Variants in ITLN1 observed in about 807,000 individuals in gnomAD.
The protein encoded by ITLN1 is intelectin-1.
A neutral mutation model predicts 36.2 loss-of-function variants in ITLN1; 29 were observed. The observed-to-expected ratio is 0.80, with a 90% confidence interval of 0.60 to 1.09. ITLN1 has a LOEUF of 1.09. Ranked by LOEUF, ITLN1 falls within the 50% of genes least tolerant of loss-of-function variation. The pLI, the probability that ITLN1 is intolerant of heterozygous loss-of-function variation, is 0.00. For missense variants in ITLN1, 358 were observed against 405.2 expected (o/e 0.88, Z 1.00); for synonymous variants, 143 against 146.5 (o/e 0.98, Z 0.17).
intron 7 of ITLN1, among the ~76,000 whole-genome samples, chr1:160,877,426 T>A (rs1015145051): frequency 1.3e-5 from 2 of 152,164 alleles, no homozygotes; most frequent in African/African-American, 4.8e-5. Context: ...CACTGTGGCC[T>A]CAATTACTAA....
intron 2 of ITLN1, among the ~76,000 whole-genome samples, chr1:160,883,991 T>A (rs531658659): frequency 6.6e-6 from 1 of 152,294 alleles, no homozygotes; most frequent in Admixed American, 6.5e-5. Flanking sequence ...AGCGGGGCAG[T>A]TGCCTGGGAG....
chr1:160,884,978 C>T (rs1670735865), intron 1 of ITLN1, 83 bp downstream of exon 1: 2 of 755,056 alleles, frequency 2.6e-6, no homozygotes, highest in Non-Finnish European at 4.6e-6. Flanking sequence ...CTCCAAAACC[C>T]CTTGCCTTTT....
In ITLN1 at chr1:160,882,165, T is replaced by C. The variant is rs1471899994; in HGVS notation, c.197A>G (p.Tyr66Cys). Residue 66 changes from tyrosine to cysteine, a missense_variant, in exon 4 of 8, where the codon TAC becomes TGC. Transcript: ENST00000326245. ...AGAGGTCATGTCACAGAAGGTCTGGTAGATAACACCATTCTCAGTGCGGAG... is the reference window on the plus strand; with the variant it reads ...AGAGGTCATGTCACAGAAGGTCTGGCAGATAACACCATTCTCAGTGCGGAG... ...YFLRTENGVI[Y>C]QTFCDMTSGG... The C allele has an allele frequency of 1.9e-6, 3 of 1,605,276 alleles. No individual in the cohort carries two copies. Among genetic ancestry groups the C allele is most frequent in the African/African-American group, 2.7e-5 (2 of 74,926 alleles).
At chr1:160,881,410 C>G in intron 4 of ITLN1, 98 bp from the exon 5 acceptor site, 10 of 1,402,286 alleles carry the variant, frequency 7.1e-6, no homozygotes, top group Non-Finnish European at 9.5e-6. Context: ...GAGCTCTGGA[C>G]TCCAGATGAG....
chr1:160,876,675 A>G lies in ITLN1; in HGVS notation c.931T>C (p.Phe311Leu), dbSNP rs1388682981. 6.2e-7 allele frequency: 1 copy of G among 1,614,228 alleles called. No homozygotes were observed. Among genetic ancestry groups the G allele is most frequent in the South Asian group, 1.1e-5 (1 of 91,084 alleles). The change falls in exon 8 of 8, where the codon TTC becomes CTC. Residue 311 changes from phenylalanine to leucine, a missense_variant. By Grantham distance (22) the Phe-to-Leu change is conservative (BLOSUM62 0). Coordinates refer to ENST00000326245, the MANE Select transcript of ITLN1 (RefSeq NM_017625.3). ...CTCCCACAAAACTCTCAACGATAGAATAGAAGCACAGCTGCCTCAGTTATC... is the reference window on the plus strand; with the variant it reads ...CTCCCACAAAACTCTCAACGATAGAGTAGAAGCACAGCTGCCTCAGTTATC... Reference protein sequence around the residue: ...REITEAAVLLFYR With the variant: ...REITEAAVLLLYR
At chr1:160,880,036 T>A (rs928731036) in intron 6 of ITLN1, among the ~76,000 whole-genome samples, 1 of 152,100 alleles carries the variant, frequency 6.6e-6, no homozygotes, top group Non-Finnish European at 1.5e-5. Context: ...CCGGGCGTGG[T>A]GGCTCACACC....
chr1:160,883,432 T>C lies in ITLN1; in HGVS notation c.153A>G (p.Ala51=). The change falls in exon 3 of 8, where the codon GCA becomes GCG. Residue 51 remains alanine, a synonymous_variant. Coordinates refer to ENST00000326245, the MANE Select transcript of ITLN1 (RefSeq NM_017625.3). ...CKEIKDECPS[A]FDGLYFLRTE... The stretch of plus-strand genomic sequence containing the variant: ...TTTGAATGTTTCATCACTCACCAAA[T>C]GCACTAGGACATTCGTCTTTGATTT... 3 of 1,608,272 alleles carry C rather than the reference T, an allele frequency of 1.9e-6. No individual in the cohort carries two copies. The highest frequency in any genetic ancestry group is 2.6e-6 in the Non-Finnish European group (3 of 1,174,752).
chr1:160,881,110 C>A (rs768567542), intron 5 of ITLN1, 44 bp downstream of exon 5: 1 of 1,555,930 alleles, frequency 6.4e-7, no homozygotes, highest in African/African-American at 1.4e-5. Context: ...ACTTGCTTCT[C>A]TGTACACCCA....
chr1:160,883,327 A>G, intron 3 of ITLN1, 101 bp downstream of exon 3: 1 of 741,166 alleles, frequency 1.3e-6, no homozygotes, highest in Non-Finnish European at 2.3e-6. Context: ...TATAATATAC[A>G]TATACTTTAC....
At position 160,876,595 on chromosome 1, in the gene ITLN1, G is replaced by C. The variant is rs892402715; in HGVS notation, c.*69C>G. ...CTGCCATTAACATTCTAGCTACTGG[G>C]TAAGTTGTTCTCCATCCTTGGGATC... is the stretch of plus-strand genomic sequence containing the variant. On this transcript the variant is annotated 3_prime_UTR_variant, in exon 8 of 8. Transcript: ENST00000326245. 58 of 1,479,982 alleles carry C rather than the reference G, an allele frequency of 3.9e-5. No homozygotes were observed. Among genetic ancestry groups the C allele is most frequent in the Non-Finnish European group, 4.9e-5 (52 of 1,068,186 alleles). The allele number at this position is 1,479,982 out of a possible 1,614,324, so 91.7% of individuals were successfully genotyped here.
At chr1:160,879,497 C>T (rs1361146276) in intron 6 of ITLN1, 83 bp from the exon 7 acceptor site, 1 of 1,042,130 alleles carries the variant, frequency 9.6e-7, no homozygotes, top group Non-Finnish European at 1.5e-6. Context: ...CTCTCGATGC[C>T]AAAGCTCAGG....
At chr1:160,883,251 T>G (rs922218729) in intron 3 of ITLN1, among the ~76,000 whole-genome samples, 177 bp downstream of exon 3, 2 of 152,182 alleles carry the variant, frequency 1.3e-5, no homozygotes, top group Non-Finnish European at 2.9e-5. Context: ...TGCACAACCT[T>G]GAAGGTAATT....
chr1:160,878,402 T>C (rs1321213918), intron 7 of ITLN1, among the ~76,000 whole-genome samples: 2 of 150,546 alleles, frequency 1.3e-5, no homozygotes, highest in South Asian at 2.1e-4. Flanking sequence ...TTTTTTTTTA[T>C]TGAGACAGGG....
intron 4 of ITLN1, chr1:160,881,563 C>T (rs1398468726): frequency 5.8e-6 from 3 of 512,938 alleles, no homozygotes; most frequent in Non-Finnish European, 1.0e-5. Context: ...AATCCCAGCA[C>T]TTTGGGAGAC....
chr1:160,879,327 C>G lies in ITLN1; in HGVS notation c.773G>C (p.Gly258Ala), dbSNP rs752774715. 6.2e-6 allele frequency: 10 copies of G among 1,613,924 alleles called. No individual in the cohort carries two copies. Among genetic ancestry groups the G allele is most frequent in the Non-Finnish European group, 8.5e-6 (10 of 1,179,814 alleles). Residue 258 changes from glycine (G) to alanine (A), a missense_variant, in exon 7 of 8, where the codon GGA becomes GCA. By Grantham distance (60) the Gly-to-Ala change is moderately conservative. Transcript: ENST00000326245. ...NALCAGMRVTGCNTEHHCIGG... is the reference protein window; with the variant it reads ...NALCAGMRVTACNTEHHCIGG... The stretch of plus-strand genomic sequence containing the variant: ...GAGACTCACGTGCTCAGTGTTACAT[C>G]CGGTGACCCTCATTCCAGCACACAA...
At position 160,881,088 on chromosome 1, in the gene ITLN1, C is replaced by T. The variant is rs184855799; in HGVS notation, c.564+66G>A. The T allele has an allele frequency of 2.4e-3, 3,624 of 1,496,984 alleles. 14 individuals are homozygous for T. The highest frequency in any genetic ancestry group is 2.3e-3 in the Non-Finnish European group (2,584 of 1,116,634). The allele number at this position is 1,496,984 out of a possible 1,614,324, so 92.7% of individuals were successfully genotyped here. On this transcript the variant is annotated intron_variant, in intron 5 of 7. Coordinates refer to ENST00000326245, the MANE Select transcript of ITLN1 (RefSeq NM_017625.3). Reference sequence around the variant, plus strand: ...AGACCCATTAAAAAATGACTCCTGCCCAACCTCTAACACTTGCTTCTCTGT... The same window carrying T: ...AGACCCATTAAAAAATGACTCCTGCTCAACCTCTAACACTTGCTTCTCTGT...
At chr1:160,878,411 G>A (rs949125958) in intron 7 of ITLN1, among the ~76,000 whole-genome samples, 5 of 148,874 alleles carry the variant, frequency 3.4e-5, no homozygotes, top group African/African-American at 1.3e-4. Flanking sequence ...ATTGAGACAG[G>A]GTCTCACTCT....
chr1:160,877,251 A>AC (rs952433061), intron 7 of ITLN1, among the ~76,000 whole-genome samples: 4 of 152,004 alleles, frequency 2.6e-5, no homozygotes, highest in African/African-American at 9.7e-5. Flanking sequence ...GAAAAAAAAA[A>AC]AAACTCTCTT....
intron 3 of ITLN1, 188 bp from the exon 4 acceptor site, chr1:160,882,392 C>T: frequency 1.8e-6 from 1 of 556,486 alleles, no homozygotes; most frequent in Admixed American, 3.6e-5. Context: ...GTAACTGAGG[C>T]AGAACATAGA....
Sources: allele counts gnomAD v4.1 joint callset (sites outside exome capture counted in the v4.1 genomes callset), GRCh38; gene constraint gnomAD v4.1.1; transcripts MANE v1.5; gene names NCBI Gene and HGNC (gene_info 2026-07-23, HGNC 2026-07-21).